Variants in BMP7 observed in about 807,000 individuals in gnomAD.
The protein encoded by BMP7 is bone morphogenetic protein 7.
A neutral mutation model predicts 41.2 loss-of-function variants in BMP7; 12 were observed. The observed-to-expected ratio is 0.29, with a 90% CI of 0.19 to 0.47. The LOEUF (loss-of-function observed/expected upper bound fraction) is 0.47. Among genes scored for constraint, BMP7 ranks in the 20% least tolerant of loss-of-function variants. The pLI, the probability that BMP7 is intolerant of heterozygous loss-of-function variation, is 0.99. For missense variants in BMP7, 467 were observed against 606.0 expected (o/e 0.77, Z 2.41); for synonymous variants, 248 against 250.0 (o/e 0.99, Z 0.07).
intron 2 of BMP7, among the ~76,000 whole-genome samples, chr20:57,206,274 C>T (rs1173108763): frequency 3.9e-5 from 6 of 152,172 alleles, no homozygotes; most frequent in South Asian, 2.1e-4. Flanking sequence ...CTTTCACCTT[C>T]GCCACTGCTG....
chr20:57,250,408 G>A (rs1452259972), intron 1 of BMP7, among the ~76,000 whole-genome samples: 1 of 148,802 alleles, frequency 6.7e-6, no homozygotes, highest in Admixed American at 6.7e-5. Context: ...ATACATGCCT[G>A]TAGTTCCAGC....
intron 1 of BMP7, among the ~76,000 whole-genome samples, chr20:57,257,140 G>A (rs1367325581): frequency 1.3e-5 from 2 of 152,072 alleles, no homozygotes; most frequent in African/African-American, 2.4e-5. Context: ...CTGAACCCAC[G>A]ATAGAGCTAT....
intron 2 of BMP7, among the ~76,000 whole-genome samples, chr20:57,218,642 C>A (rs1422577101): frequency 6.8e-6 from 1 of 147,098 alleles, no homozygotes; most frequent in Non-Finnish European, 1.5e-5. Context: ...TCAGTGGTAG[C>A]TGGTGTTTGT....
chr20:57,175,394 G>A (rs1465728648), intron 4 of BMP7, among the ~76,000 whole-genome samples: 1 of 152,192 alleles, frequency 6.6e-6, no homozygotes, highest in Admixed American at 6.5e-5. Flanking sequence ...CCTGCTCAAA[G>A]AGATCTGCTT....
chr20:57,174,599 C>G lies in BMP7; in HGVS notation c.1035+332G>C, dbSNP rs1983880329. Among the ~76,000 whole-genome samples the G allele has an allele frequency of 6.6e-6, 1 of 152,158 alleles. No homozygotes were observed. Among genetic ancestry groups the G allele is most frequent in the Admixed American group, 6.5e-5 (1 of 15,272 alleles). Reference sequence around the variant, plus strand: ...AGTCAGAGGGCAGAGGGGGAGATGGCTCCCCAGGTATCTACATTCAAACAC... The same window carrying G: ...AGTCAGAGGGCAGAGGGGGAGATGGGTCCCCAGGTATCTACATTCAAACAC... On this transcript the variant is annotated intron_variant, in intron 5 of 6. Coordinates refer to ENST00000395863, the MANE Select transcript of BMP7 (RefSeq NM_001719.3). This position sits in a 1 kb window ranked among gnomAD's most constrained non-coding sequence, Gnocchi z 4.3.
At chr20:57,194,082 G>C (rs546398354) in intron 3 of BMP7, among the ~76,000 whole-genome samples, 14 of 152,186 alleles carry the variant, frequency 9.2e-5, no homozygotes, top group Non-Finnish European at 1.6e-4. Context: ...GATGCTGCAG[G>C]CTTCTCAGAA....
intron 1 of BMP7, among the ~76,000 whole-genome samples, chr20:57,255,438 G>A (rs2066130289): frequency 6.6e-6 from 1 of 152,192 alleles, no homozygotes; most frequent in Non-Finnish European, 1.5e-5. Flanking sequence ...GATGCATTTA[G>A]ATGATGAAGG....
Position 57,170,701 on chromosome 20 carries a change from T to C in BMP7, c.*258A>G. The C allele has an allele frequency of 2.2e-6, 1 of 454,012 alleles. No individual in the cohort carries two copies. The highest frequency in any genetic ancestry group is 4.7e-5 in the East Asian group (1 of 21,084). The allele number at this position is 454,012 out of a possible 1,614,324, so 28.1% of individuals were successfully genotyped here. On this transcript the variant is annotated 3_prime_UTR_variant, in exon 7 of 7. Transcript: ENST00000395863. ...CAGCCAATGACCTGGCCCGGCCATT[T>C]TTCTTTATGCGTTGTTTTTTTTTCC...
rs1983797647 is a variant in BMP7, at chr20:57,170,734, T to A, written c.*225A>T. ...TGCGTTGTTTTTTTTTCCTGCTAGG[T>A]TTTGCCTGCACAGCTTGTAGGATCT... On this transcript the variant is annotated 3_prime_UTR_variant, in exon 7 of 7. Coordinates refer to ENST00000395863, the MANE Select transcript of BMP7 (RefSeq NM_001719.3). 1.2e-5 allele frequency: 7 copies of A among 570,198 alleles called. No individual in the cohort carries two copies. The highest frequency in any genetic ancestry group is 1.9e-5 in the African/African-American group (1 of 52,788). 35.3% of individuals were successfully genotyped at this position (570,198 alleles called of 1,614,324 possible).
chr20:57,218,452 G>A (rs1985088404), intron 2 of BMP7, among the ~76,000 whole-genome samples: 1 of 149,706 alleles, frequency 6.7e-6, no homozygotes, highest in Admixed American at 6.7e-5. Context: ...GTGGTAGCTG[G>A]TGTTTCTTTG....
At chr20:57,220,639 C>T (rs1022545638) in intron 2 of BMP7, among the ~76,000 whole-genome samples, 7 of 152,186 alleles carry the variant, frequency 4.6e-5, no homozygotes, top group Admixed American at 3.9e-4. Context: ...GCCGCACACA[C>T]GCTGATGTCT....
intron 2 of BMP7, among the ~76,000 whole-genome samples, chr20:57,209,252 TATATATATA>T (rs1984820594): frequency 7.9e-5 from 5 of 62,996 alleles, no homozygotes; most frequent in African/African-American, 7.1e-4. Flanking sequence ...TATATTTTTA[TATATATATA>T]TATATATATA....
rs1183787462 is a variant in BMP7, at chr20:57,224,368, G to A, written c.611+3861C>T. ...CCCTTGGAGCAGATTCTGCTGCCCT[G>A]GCTGGCCTTGGCCTCCCAGGGAGGT... On this transcript the variant is annotated intron_variant, in intron 2 of 6. Transcript: ENST00000395863. This position sits in a 1 kb window ranked among gnomAD's most constrained non-coding sequence, Gnocchi z 4.8. 6.6e-6 allele frequency among the ~76,000 whole-genome samples: 1 copy of A among 152,164 alleles called. No homozygotes were observed. The highest frequency in any genetic ancestry group is 1.5e-5 in the Non-Finnish European group (1 of 68,020).
At chr20:57,264,924 G>T (rs1229686741) in intron 1 of BMP7, among the ~76,000 whole-genome samples, 1 of 151,446 alleles carries the variant, frequency 6.6e-6, no homozygotes, top group Non-Finnish European at 1.5e-5. Context: ...CCAGCTACTC[G>T]GGAGGCTGAG....
chr20:57,193,455 T>A (rs1045743862), intron 3 of BMP7, among the ~76,000 whole-genome samples: 4 of 152,170 alleles, frequency 2.6e-5, no homozygotes, highest in African/African-American at 9.7e-5. Context: ...GAAACTCCGC[T>A]TTGTAGTCAC....
chr20:57,234,070 C>T (rs2066038699), intron 1 of BMP7, among the ~76,000 whole-genome samples: 1 of 152,114 alleles, frequency 6.6e-6, no homozygotes, highest in African/African-American at 2.4e-5. Flanking sequence ...GAGCCTTGCC[C>T]ATGTCCCCCC....
rs1377860333 is a variant in BMP7, at chr20:57,170,917, C to T, written c.*42G>A. On this transcript the variant is annotated 3_prime_UTR_variant, in exon 7 of 7. Transcript: ENST00000395863. Reference sequence around the variant, plus strand: ...CTGGCCAAGGCGAGCAATGGAGGATCCAGAAAAACTTGGCCCCAAAGGGTC... The same window carrying T: ...CTGGCCAAGGCGAGCAATGGAGGATTCAGAAAAACTTGGCCCCAAAGGGTC... 6.2e-7 allele frequency: 1 copy of T among 1,608,986 alleles called. No homozygotes were observed. Among genetic ancestry groups the T allele is most frequent in the Non-Finnish European group, 8.5e-7 (1 of 1,179,188 alleles).
chr20:57,209,858 T>A (rs1387463086), intron 2 of BMP7, among the ~76,000 whole-genome samples: 1 of 152,198 alleles, frequency 6.6e-6, no homozygotes, highest in African/African-American at 2.4e-5. Context: ...AAGCATGCCC[T>A]ATTTCTGGAA....
rs971577614 is a variant in BMP7, at chr20:57,252,006, C to T, written c.418+13699G>A. ...GCACTTTCCCAGGTAGGGGACATAGCGTGTGGAAAGCAGGGATCAATAAAC... is the reference window on the plus strand; with the variant it reads ...GCACTTTCCCAGGTAGGGGACATAGTGTGTGGAAAGCAGGGATCAATAAAC... On this transcript the variant is annotated intron_variant, in intron 1 of 6. Transcript: ENST00000395863. 2.6e-5 allele frequency among the ~76,000 whole-genome samples: 4 copies of T among 152,122 alleles called. No individual in the cohort carries two copies. In the East Asian group the frequency reaches 5.8e-4, roughly 22 times the overall value.
Sources: allele counts gnomAD v4.1 joint callset (sites outside exome capture counted in the v4.1 genomes callset), GRCh38; gene constraint gnomAD v4.1.1; non-coding constraint Gnocchi (gnomAD v3.1); transcripts MANE v1.5; gene names NCBI Gene and HGNC (gene_info 2026-07-23, HGNC 2026-07-21).